OXR1: variants seen among roughly 807,000 people sequenced by gnomAD.
OXR1 encodes the protein oxidation resistance 1, also known as oxidation resistance protein 1.
A neutral mutation model predicts 104.6 loss-of-function variants in OXR1; 41 were observed. The ratio of observed to expected loss-of-function variants is 0.39; its 90% CI spans 0.31 to 0.51. The LOEUF (loss-of-function observed/expected upper bound fraction) is 0.51. Among genes scored for constraint, OXR1 ranks in the 20% least tolerant of loss-of-function variants. The pLI, the probability that OXR1 is intolerant of heterozygous loss-of-function variation, is 0.77. For synonymous variants in OXR1, 348 were observed against 348.4 expected (o/e 1.00, Z 0.01); for missense variants, 955 against 1,031.9 (o/e 0.93, Z 1.02).
Position 106,494,371 on chromosome 8 carries a change from G to T in OXR1, c.24-24572G>T, listed in dbSNP as rs191464899. Among the ~76,000 whole-genome samples, 3 of 152,228 alleles carry T rather than the reference G, an allele frequency of 2.0e-5. No individual in the cohort carries two copies. The East Asian group carries it at 5.8e-4, about 29-fold the overall frequency. On this transcript the variant is annotated intron_variant, in intron 2 of 16. Coordinates refer to ENST00000517566, the MANE Select transcript of OXR1 (RefSeq NM_001198533.2). ...GTGTGTGGTCTCACTAAAAACAGTG[G>T]CTTTTCCCTATTTTTTAAAGAAAAA...
At chr8:106,658,524 T>C (rs372523299) in intron 3 of OXR1, among the ~76,000 whole-genome samples, 1 of 152,226 alleles carries the variant, frequency 6.6e-6, no homozygotes, top group East Asian at 1.9e-4. Context: ...GAACCAGTTA[T>C]GACGTCCGTG....
chr8:106,549,904 C>T (rs569484445), intron 3 of OXR1, among the ~76,000 whole-genome samples: 1 of 152,104 alleles, frequency 6.6e-6, no homozygotes, highest in Non-Finnish European at 1.5e-5. Flanking sequence ...TATTTTATCT[C>T]CTGCTTTGGA....
At chr8:106,576,280 A>T (rs1484852649) in intron 3 of OXR1, among the ~76,000 whole-genome samples, 1 of 151,876 alleles carries the variant, frequency 6.6e-6, no homozygotes, top group Admixed American at 6.6e-5. Context: ...GAACAGTAAG[A>T]TTATTTTCTG....
At chr8:106,517,118 A>G (rs1812909700) in intron 2 of OXR1, among the ~76,000 whole-genome samples, 1 of 152,154 alleles carries the variant, frequency 6.6e-6, no homozygotes, top group Admixed American at 6.6e-5. Flanking sequence ...TCACAAAGTA[A>G]ATACATCCTG....
intron 3 of OXR1, among the ~76,000 whole-genome samples, chr8:106,633,252 C>CA (rs1822851635): frequency 6.6e-6 from 1 of 151,568 alleles, no homozygotes; most frequent in East Asian, 1.9e-4. Context: ...CAAAACAAAA[C>CA]AAACAACAAC....
At chr8:106,668,863 C>T (rs975743773) in intron 3 of OXR1, among the ~76,000 whole-genome samples, 1 of 152,156 alleles carries the variant, frequency 6.6e-6, no homozygotes, top group Admixed American at 6.6e-5. Flanking sequence ...TTCAGAAGCT[C>T]TATTTGTATG....
intron 3 of OXR1, among the ~76,000 whole-genome samples, chr8:106,642,051 T>C (rs1357880650): frequency 6.6e-6 from 1 of 152,110 alleles, no homozygotes; most frequent in Non-Finnish European, 1.5e-5. Flanking sequence ...TGACTACAGG[T>C]GTGCACAACC....
In OXR1 at chr8:106,316,770, A is replaced by ATCTATCTG. The variant is rs1197356309; in HGVS notation, c.-138-42701_-138-42700insCTGTCTAT. On this transcript the variant is annotated intron_variant, in intron 1 of 16. Transcript: ENST00000517566. ...TATCTATCTATCTATCTATCTATCT[A>ATCTATCTG]TCTATTGCTCGAAAGAGAGAGGGAG... Among the ~76,000 whole-genome samples the ATCTATCTG allele has an allele frequency of 2.9e-3, 428 of 147,198 alleles. 1 individual carries two copies. Among genetic ancestry groups the ATCTATCTG allele is most frequent in the African/African-American group, 5.4e-3 (218 of 40,334 alleles).
At chr8:106,681,092 C>G (rs770485883) in intron 4 of OXR1, among the ~76,000 whole-genome samples, 5 of 152,246 alleles carry the variant, frequency 3.3e-5, no homozygotes, top group Non-Finnish European at 4.4e-5. Flanking sequence ...CTTTCTTGTT[C>G]CAGTAATCCT....
At chr8:106,294,212 C>A (rs1320884523) in intron 1 of OXR1, among the ~76,000 whole-genome samples, 1 of 151,150 alleles carries the variant, frequency 6.6e-6, no homozygotes, top group Non-Finnish European at 1.5e-5. Flanking sequence ...ACCAGCTTGG[C>A]CAACATGGTG....
rs138370012 is a variant in OXR1, at chr8:106,356,198, A to C, written c.-138-3278A>C. On this transcript the variant is annotated intron_variant, in intron 1 of 16. Coordinates refer to ENST00000517566, the MANE Select transcript of OXR1 (RefSeq NM_001198533.2). ...CAAAGCTATCTTTTTCAATGGCTAC[A>C]TTTTAAAGGGATGGCTCCCAGGTCC... 7.9e-3 allele frequency among the ~76,000 whole-genome samples: 1,197 copies of C among 152,266 alleles called. 62 individuals carry two copies. The highest frequency in any genetic ancestry group is 0.067 in the Admixed American group (1,021 of 15,274).
chr8:106,716,704 A>T (rs1832298184), intron 11 of OXR1, among the ~76,000 whole-genome samples: 1 of 151,796 alleles, frequency 6.6e-6, no homozygotes, highest in Non-Finnish European at 1.5e-5. Flanking sequence ...AGAAAAAAGA[A>T]TGTAAACATC....
intron 1 of OXR1, among the ~76,000 whole-genome samples, chr8:106,304,410 T>A (rs1189527177): frequency 6.6e-5 from 10 of 152,176 alleles, no homozygotes. Context: ...GTCAGATGAA[T>A]CCACAGATTT....
chr8:106,340,727 C>T (rs1815209975), intron 1 of OXR1, among the ~76,000 whole-genome samples: 1 of 152,060 alleles, frequency 6.6e-6, no homozygotes, highest in African/African-American at 2.4e-5. Flanking sequence ...CAGTGCCTCT[C>T]ATATATAGAC....
intron 3 of OXR1, among the ~76,000 whole-genome samples, chr8:106,606,269 AG>A (rs1427931233): frequency 6.8e-6 from 1 of 147,684 alleles, no homozygotes; most frequent in Non-Finnish European, 1.5e-5. Context: ...TCTTCCTTAG[AG>A]CATATCACTA....
rs78172341 is a variant in OXR1 at position 106,531,234 on chromosome 8, C to T, written c.220+12095C>T. Among the ~76,000 whole-genome samples, 602 of 152,124 alleles carry T rather than the reference C, an allele frequency of 4.0e-3. 1 individual carries two copies. Among genetic ancestry groups the T allele is most frequent in the Non-Finnish European group, 5.3e-3 (357 of 67,988 alleles). On this transcript the variant is annotated intron_variant, in intron 3 of 16. Transcript: ENST00000517566. ...ATGCTTTGTAGAAAAAACTAATATGCGTTGGATTTAAATGAACTCTTTTAA... is the reference window on the plus strand; with the variant it reads ...ATGCTTTGTAGAAAAAACTAATATGTGTTGGATTTAAATGAACTCTTTTAA...
chr8:106,302,377 T>C (rs541003372), intron 1 of OXR1, among the ~76,000 whole-genome samples: 6 of 151,980 alleles, frequency 3.9e-5, no homozygotes, highest in African/African-American at 1.4e-4. Context: ...GGTCAGGAGA[T>C]CGAGATCATC....
intron 2 of OXR1, among the ~76,000 whole-genome samples, chr8:106,447,489 T>G (rs1820057947): frequency 6.6e-6 from 1 of 152,196 alleles, no homozygotes; most frequent in African/African-American, 2.4e-5. Flanking sequence ...TATTGTTTAT[T>G]CTGATCGATG....
At chr8:106,296,608 C>T (rs1173448155) in intron 1 of OXR1, among the ~76,000 whole-genome samples, 2 of 152,152 alleles carry the variant, frequency 1.3e-5, no homozygotes, top group African/African-American at 2.4e-5. Flanking sequence ...TCATAAGCTT[C>T]CTATGATTGA....
Sources: gnomAD v4.1 joint callset for allele counts (sites outside exome capture counted in the v4.1 genomes callset) on GRCh38, gnomAD v4.1.1 for gene constraint, MANE v1.5 for transcripts, NCBI Gene and HGNC (gene_info 2026-07-23, HGNC 2026-07-21) for gene names.